The following AKAP10 variants were observed in gnomAD, a reference collection of about 807,000 sequenced individuals.
AKAP10 encodes the protein A-kinase anchoring protein 10, also known as A-kinase anchor protein 10, mitochondrial.
AKAP10 carries 24 observed loss-of-function variants against 80.8 expected under a neutral mutation model. That is an observed-to-expected ratio of 0.30 (90% confidence interval 0.22 to 0.42). The LOEUF is 0.42. Among genes scored for constraint, AKAP10 ranks in the 10% least tolerant of loss-of-function variants. AKAP10 has a pLI of 1.00. For missense variants in AKAP10, 661 were observed against 794.9 expected, an observed-to-expected ratio of 0.83 and a Z score of 2.03; for synonymous variants, 291 against 277.7, an observed-to-expected ratio of 1.05 and a Z score of -0.48.
intron 12 of AKAP10, among the ~76,000 whole-genome samples, chr17:19,915,366 A>T (rs1231012690): frequency 6.6e-6 from 1 of 152,258 alleles, no homozygotes; most frequent in Non-Finnish European, 1.5e-5. Flanking sequence ...ATGCTTAACA[A>T]GTCAGGGTCA....
rs34866336 is a variant in AKAP10 at position 19,954,487 on chromosome 17, C to CTTT, written c.877+3524_877+3526dup. On this transcript the variant is annotated intron_variant, in intron 4 of 14. Coordinates refer to ENST00000225737, the MANE Select transcript of AKAP10 (RefSeq NM_007202.4). ...AAACGTAAAGTGTAAAACCATAATACTTTTTTTTTTTTTTTGAGATGGAGT... is the reference window on the plus strand; with the variant it reads ...AAACGTAAAGTGTAAAACCATAATACTTTTTTTTTTTTTTTTTTGAGATGGAGT... Among the ~76,000 whole-genome samples, 565 of 140,436 alleles carry CTTT rather than the reference C, an allele frequency of 4.0e-3. 12 individuals carry two copies. Among genetic ancestry groups the CTTT allele is most frequent in the African/African-American group, 0.014 (525 of 37,626 alleles). The allele number at this position is 140,436 out of a possible 152,430, so 92.1% of individuals were successfully genotyped here. A position where few individuals can be genotyped will look rare whatever the true frequency, so the allele number is the denominator to read the frequency against.
Position 19,939,869 on chromosome 17 carries a change from A to G in AKAP10, c.1186-20T>C, listed in dbSNP as rs2043034237. On this transcript the variant is annotated intron_variant, in intron 7 of 14. Transcript: ENST00000225737. Reference sequence around the variant, plus strand: ...CATGTACTAGGAAGAAAAAATACACAAGGGAAAATAAGACTATAAACAGAT... The same window carrying G: ...CATGTACTAGGAAGAAAAAATACACGAGGGAAAATAAGACTATAAACAGAT... 2 of 1,605,482 alleles carry G rather than the reference A, an allele frequency of 1.2e-6. No homozygotes were observed. The highest frequency in any genetic ancestry group is 1.7e-6 in the Non-Finnish European group (2 of 1,176,522).
rs770478200 is a variant in AKAP10 at position 19,968,485 on chromosome 17, G to A, written c.89-24C>T. ...CACTAGAACATAAAAAGATAATTAT[G>A]ACCAACTTTTGCAGTCAGAGATCCA... On this transcript the variant is annotated intron_variant, in intron 1 of 14. Transcript: ENST00000225737. 4 of 1,604,180 alleles carry A rather than the reference G, an allele frequency of 2.5e-6. No homozygotes were observed. The East Asian group carries it at 8.9e-5, about 36-fold the overall frequency.
chr17:19,906,034 A>G lies in AKAP10; in HGVS notation c.*193T>C. 1 of 583,000 alleles carries G rather than the reference A, an allele frequency of 1.7e-6. No homozygotes were observed. The highest frequency in any genetic ancestry group is 3.0e-6 in the Non-Finnish European group (1 of 328,000). 36.1% of individuals were successfully genotyped at this position (583,000 alleles called of 1,614,324 possible). A position where few individuals can be genotyped will look rare whatever the true frequency, so the allele number is the denominator to read the frequency against. Reference sequence around the variant, plus strand: ...TTAAGACTCTCACTGTGTGAACATCATGTGCATCAATTATGCCTACAGGTA... The same window carrying G: ...TTAAGACTCTCACTGTGTGAACATCGTGTGCATCAATTATGCCTACAGGTA... On this transcript the variant is annotated 3_prime_UTR_variant, in exon 15 of 15. Transcript: ENST00000225737.
intron 2 of AKAP10, among the ~76,000 whole-genome samples, chr17:19,967,217 T>C (rs2043431192): frequency 6.6e-6 from 1 of 152,222 alleles, no homozygotes; most frequent in Non-Finnish European, 1.5e-5. Flanking sequence ...CTCTGTACAC[T>C]GGACAAATAA....
intron 8 of AKAP10, among the ~76,000 whole-genome samples, chr17:19,939,463 C>T (rs1319210360): frequency 6.6e-6 from 1 of 152,084 alleles, no homozygotes; most frequent in African/African-American, 2.4e-5. Flanking sequence ...AACAAAATCT[C>T]TCTTCTGGGA....
chr17:19,966,581 C>T (rs1411271875), intron 2 of AKAP10, among the ~76,000 whole-genome samples: 1 of 125,126 alleles, frequency 8.0e-6, no homozygotes, highest in Non-Finnish European at 1.8e-5. Context: ...TCTTGTACTG[C>T]TTCTGTATTA....
At chr17:19,939,917 T>C (rs1480910594) in intron 7 of AKAP10, 68 bp from the exon 8 acceptor site, 21 of 1,499,256 alleles carry the variant, frequency 1.4e-5, no homozygotes, top group Admixed American at 2.2e-5. Flanking sequence ...CTCTAATCTA[T>C]AAGCTCAAAT....
intron 2 of AKAP10, among the ~76,000 whole-genome samples, chr17:19,964,081 A>G (rs1385189324): frequency 6.6e-6 from 1 of 152,176 alleles, no homozygotes; most frequent in African/African-American, 2.4e-5. Flanking sequence ...CAATGTTAAA[A>G]GAAGGTTTAT....
chr17:19,913,153 GTTT>G (rs71357404), intron 12 of AKAP10, among the ~76,000 whole-genome samples: 2 of 108,938 alleles, frequency 1.8e-5, no homozygotes, highest in South Asian at 3.1e-4. Flanking sequence ...CTGGCTAATT[GTTT>G]TTTTTTTTTT....
chr17:19,944,444 G>C (rs1193088973), intron 5 of AKAP10, among the ~76,000 whole-genome samples: 1 of 152,068 alleles, frequency 6.6e-6, no homozygotes, highest in Non-Finnish European at 1.5e-5. Context: ...GAGGTCAGGA[G>C]ATGGAGACCA....
At position 19,931,390 on chromosome 17, in the gene AKAP10, C is replaced by CTT. The variant is rs200355906; in HGVS notation, c.1641+414_1641+415insAA. 5.2e-3 allele frequency among the ~76,000 whole-genome samples: 773 copies of CTT among 148,996 alleles called. 15 individuals are homozygous for CTT. The East Asian group carries it at 0.072, about 14-fold the overall frequency. On this transcript the variant is annotated intron_variant, in intron 10 of 14. Transcript: ENST00000225737. ...TAGTAAGTAGGCTAATTTTATTTCT[C>CTT]TCTTTTTTTTTTTTTTTTGAGACAC...
intron 2 of AKAP10, among the ~76,000 whole-genome samples, chr17:19,967,669 G>A (rs2152419128): frequency 6.6e-6 from 1 of 151,092 alleles, no homozygotes; most frequent in African/African-American, 2.4e-5. Flanking sequence ...GATCACTTGA[G>A]GTCAGGAGTT....
chr17:19,942,456 A>G (rs1479129), intron 5 of AKAP10, among the ~76,000 whole-genome samples: 64,426 of 151,930 alleles, frequency 0.42, 14,410 homozygotes, highest in African/African-American at 0.57. Context: ...CAAGAAAACT[A>G]ACACTAGTGT....
chr17:19,904,737 C>T lies in AKAP10; in HGVS notation c.*1490G>A, dbSNP rs1020477931. On this transcript the variant is annotated 3_prime_UTR_variant, in exon 15 of 15. Transcript: ENST00000225737. ...ATTTCAACAGAAGAGCCATAAATGC[C>T]CTGAAAGCAGAAAGTTGACACAATT... The T allele has an allele frequency of 1.3e-5, 2 of 151,734 alleles. No homozygotes were observed. The highest frequency in any genetic ancestry group is 4.8e-5 in the African/African-American group (2 of 41,284). The allele number at this position is 151,734 out of a possible 1,614,324, so 9.4% of individuals were successfully genotyped here.
rs2042723352 is a variant in AKAP10 at position 19,914,496 on chromosome 17, G to C, written c.1835-4518C>G. 4.6e-5 allele frequency among the ~76,000 whole-genome samples: 7 copies of C among 151,942 alleles called. 1 individual carries two copies. The South Asian group carries it at 1.5e-3, about 32-fold the overall frequency. On this transcript the variant is annotated intron_variant, in intron 12 of 14. Coordinates refer to ENST00000225737, the MANE Select transcript of AKAP10 (RefSeq NM_007202.4). ...GTCTCTACAAAAAGTAAAATAATAA[G>C]CCAAGTATGGTGGTGTGTGCCTGCA... is the stretch of plus-strand genomic sequence containing the variant.
chr17:19,946,237 T>TAATATATA (rs1491288818), intron 5 of AKAP10, among the ~76,000 whole-genome samples: 5 of 15,176 alleles, frequency 3.3e-4, no homozygotes, highest in Non-Finnish European at 5.1e-4. Context: ...TATATATATA[T>TAATATATA]TATATATATA....
rs774218452 is a variant in AKAP10 at position 19,962,965 on chromosome 17, G to A, written c.194C>T (p.Ala65Val). The A allele has an allele frequency of 6.2e-7, 1 of 1,613,784 alleles. No homozygotes were observed. The highest frequency in any genetic ancestry group is 1.7e-5 in the Admixed American group (1 of 60,000). Residue 65 changes from alanine (A) to valine (V), a missense_variant, in exon 3 of 15, where the codon GCT becomes GTT. Ala to Val is a moderately conservative substitution (Grantham distance 64). Transcript: ENST00000225737. ...GATTGCAACATGACTTGGTCCTGCA[G>A]CCTCCAGCAAGGCATGATTTTTAGT... The part of the protein sequence containing the change: ...KSTKNHALLE[A>V]AGPSHVAINA...
chr17:19,951,542 C>T (rs979561062), intron 4 of AKAP10, among the ~76,000 whole-genome samples: 6 of 152,200 alleles, frequency 3.9e-5, no homozygotes, highest in African/African-American at 1.4e-4. Flanking sequence ...CCATTTTGTT[C>T]TGTACTAAGA....
Sources: allele counts gnomAD v4.1 joint callset (sites outside exome capture counted in the v4.1 genomes callset), GRCh38; gene constraint gnomAD v4.1.1; transcripts MANE v1.5; gene names NCBI Gene and HGNC (gene_info 2026-07-23, HGNC 2026-07-21).